Variants in TNFRSF21 observed in about 807,000 individuals in gnomAD.
TNFRSF21 encodes tumor necrosis factor receptor superfamily member 21.
In TNFRSF21, 19 loss-of-function variants were observed where a neutral mutation model predicts 45.6. The observed-to-expected ratio is 0.42, with a 90% CI of 0.29 to 0.61. The LOEUF (loss-of-function observed/expected upper bound fraction) is 0.61. TNFRSF21 is among the 20% of genes least tolerant of loss of function. The pLI, the probability that TNFRSF21 is intolerant of heterozygous loss-of-function variation, is 0.23. For synonymous variants in TNFRSF21, 314 were observed against 335.5 expected, an observed-to-expected ratio of 0.94 and a Z score of 0.70; for missense variants, 737 against 851.5, an observed-to-expected ratio of 0.87 and a Z score of 1.67.
At chr6:47,239,120 T>A (rs765431431) in intron 4 of TNFRSF21, among the ~76,000 whole-genome samples, 3 of 151,960 alleles carry the variant, frequency 2.0e-5, no homozygotes, top group Non-Finnish European at 2.9e-5. Flanking sequence ...ACCCTGTCTC[T>A]ACTAAAACTA....
chr6:47,284,290 T>C lies in TNFRSF21; in HGVS notation c.891A>G (p.Val297=). The change falls in exon 3 of 6, where the codon GTA becomes GTG. Residue 297 remains valine, a synonymous_variant. Coordinates refer to ENST00000296861, the MANE Select transcript of TNFRSF21 (RefSeq NM_014452.5). ...DVNKTLPNLQ[V]VNHQQGPHHR... ...GGTGGGGGCCTTGCTGGTGGTTGAC[T>C]ACCTGAAGGTTTGGGAGGGTCTTGT... The C allele has an allele frequency of 6.2e-7, 1 of 1,610,450 alleles. No homozygotes were observed. The highest frequency in any genetic ancestry group is 8.5e-7 in the Non-Finnish European group (1 of 1,178,234).
At chr6:47,301,809 C>G (rs1014061586) in intron 1 of TNFRSF21, among the ~76,000 whole-genome samples, 1 of 152,182 alleles carries the variant, frequency 6.6e-6, no homozygotes, top group Non-Finnish European at 1.5e-5. Flanking sequence ...CCTGCAGAAC[C>G]ATGAGTGAAA....
intron 1 of TNFRSF21, among the ~76,000 whole-genome samples, chr6:47,287,600 A>C (rs983774020): frequency 6.6e-6 from 1 of 152,186 alleles, no homozygotes; most frequent in African/African-American, 2.4e-5. Flanking sequence ...GTAAGAAATC[A>C]GTTGAAATTT....
At chr6:47,251,249 GA>G (rs1374404602) in intron 4 of TNFRSF21, among the ~76,000 whole-genome samples, 2 of 152,150 alleles carry the variant, frequency 1.3e-5, no homozygotes. Flanking sequence ...GTTGAAATGT[GA>G]AATCAAAAAT....
At chr6:47,234,077 C>A (rs1246626270) in intron 5 of TNFRSF21, among the ~76,000 whole-genome samples, 1 of 152,118 alleles carries the variant, frequency 6.6e-6, no homozygotes, top group Admixed American at 6.5e-5. Flanking sequence ...CTGCAGCCTC[C>A]GCGTCTCAGG....
chr6:47,259,310 A>G (rs557027554), intron 3 of TNFRSF21, among the ~76,000 whole-genome samples: 1 of 152,218 alleles, frequency 6.6e-6, no homozygotes, highest in African/African-American at 2.4e-5. Flanking sequence ...CCTTACATTG[A>G]AAAGTAACAC....
intron 3 of TNFRSF21, among the ~76,000 whole-genome samples, chr6:47,255,204 A>C (rs990231118): frequency 6.6e-6 from 1 of 152,178 alleles, no homozygotes; most frequent in African/African-American, 2.4e-5. Context: ...TGATGATGAA[A>C]TTGGTGAAAT....
chr6:47,286,643 T>C, intron 1 of TNFRSF21, 48 bp from the exon 2 acceptor site: 1 of 1,549,512 alleles, frequency 6.5e-7, no homozygotes, highest in Non-Finnish European at 8.7e-7. Context: ...CAAGAAGATG[T>C]TACATAGGAG....
intron 3 of TNFRSF21, among the ~76,000 whole-genome samples, chr6:47,262,795 A>AG (rs1334378810): frequency 6.6e-6 from 1 of 152,122 alleles, no homozygotes; most frequent in Non-Finnish European, 1.5e-5. Context: ...GGCCAGGGAG[A>AG]GGGACCAAGA....
intron 1 of TNFRSF21, among the ~76,000 whole-genome samples, chr6:47,287,307 CAA>C (rs1164380285): frequency 3.4e-4 from 7 of 20,874 alleles, no homozygotes; most frequent in East Asian, 3.7e-3. Flanking sequence ...AACTCTTTCT[CAA>C]AAAAAAAAAA....
intron 5 of TNFRSF21, among the ~76,000 whole-genome samples, chr6:47,234,272 C>T (rs1764629406): frequency 6.6e-6 from 1 of 152,148 alleles, no homozygotes; most frequent in Non-Finnish European, 1.5e-5. Context: ...CTGCTGCGCA[C>T]GGCCTAAAAC....
intron 1 of TNFRSF21, among the ~76,000 whole-genome samples, chr6:47,301,995 G>T (rs1293446667): frequency 6.6e-6 from 1 of 152,130 alleles, no homozygotes; most frequent in African/African-American, 2.4e-5. Context: ...AGCTGACCTG[G>T]CCGTGTATAG....
chr6:47,243,681 G>A lies in TNFRSF21; in HGVS notation c.1510-8783C>T, dbSNP rs112340306. Among the ~76,000 whole-genome samples the A allele has an allele frequency of 3.6e-3, 545 of 152,236 alleles. 6 individuals are homozygous for A. Among genetic ancestry groups the A allele is most frequent in the African/African-American group, 0.011 (477 of 41,552 alleles). ...GATCTGCCCACCTTGGCCTCCCAAAGTGCTGAGATTATAGGTGTGAGCCAC... is the reference window on the plus strand; with the variant it reads ...GATCTGCCCACCTTGGCCTCCCAAAATGCTGAGATTATAGGTGTGAGCCAC... On this transcript the variant is annotated intron_variant, in intron 4 of 5. Transcript: ENST00000296861.
chr6:47,309,459 G>A lies in TNFRSF21; in HGVS notation c.53C>T (p.Ala18Val). ...GATCATCGTGGCTGTGGCTCGGCGGGCGATGCGGCTGCAGGAGGCGAGGGC... is the reference window on the plus strand; with the variant it reads ...GATCATCGTGGCTGTGGCTCGGCGGACGATGCGGCTGCAGGAGGCGAGGGC... ...STALASCSRI[A>V]RRATATMIAG... The change falls in exon 1 of 6, where the codon GCC becomes GTC. Residue 18 changes from alanine to valine, a missense_variant. By Grantham distance (64) the Ala-to-Val change is moderately conservative. Coordinates refer to ENST00000296861, the MANE Select transcript of TNFRSF21 (RefSeq NM_014452.5). The A allele has an allele frequency of 6.5e-7, 1 of 1,535,984 alleles. No homozygotes were observed. Among genetic ancestry groups the A allele is most frequent in the African/African-American group, 1.4e-5 (1 of 70,352 alleles).
chr6:47,305,215 T>C (rs540195321), intron 1 of TNFRSF21, among the ~76,000 whole-genome samples: 30 of 152,304 alleles, frequency 2.0e-4, no homozygotes, highest in African/African-American at 6.5e-4. Context: ...ATACGAATTG[T>C]ACCTTCATGG....
chr6:47,264,779 C>G (rs1258200895), intron 3 of TNFRSF21, among the ~76,000 whole-genome samples: 1 of 152,136 alleles, frequency 6.6e-6, no homozygotes, highest in East Asian at 1.9e-4. Context: ...CATTCCTGGA[C>G]TCAGAGGTGG....
intron 4 of TNFRSF21, among the ~76,000 whole-genome samples, chr6:47,244,214 C>T (rs1474395253): frequency 6.6e-6 from 1 of 150,748 alleles, no homozygotes; most frequent in Non-Finnish European, 1.5e-5. Context: ...TTCCCAGCTA[C>T]TCGGGAGGCA....
chr6:47,235,934 T>G, intron 4 of TNFRSF21, among the ~76,000 whole-genome samples: 1 of 151,980 alleles, frequency 6.6e-6, no homozygotes, highest in East Asian at 1.9e-4. Context: ...CTCTGGCTGG[T>G]GGGTAGAGAA....
At chr6:47,292,543 T>A (rs1762742854) in intron 1 of TNFRSF21, among the ~76,000 whole-genome samples, 1 of 152,210 alleles carries the variant, frequency 6.6e-6, no homozygotes, top group African/African-American at 2.4e-5. Flanking sequence ...GGCTCTAATC[T>A]TCTCTGATTC....
Sources: allele counts gnomAD v4.1 joint callset (sites outside exome capture counted in the v4.1 genomes callset), GRCh38; gene constraint gnomAD v4.1.1; transcripts MANE v1.5; gene names NCBI Gene and HGNC (gene_info 2026-07-23, HGNC 2026-07-21).